VMP1: variants seen among roughly 807,000 people sequenced by gnomAD.
VMP1 encodes vacuole membrane protein 1.
VMP1 carries 11 observed loss-of-function variants against 56.0 expected under a neutral mutation model. That is an observed-to-expected ratio of 0.20 (90% CI 0.12 to 0.32). The LOEUF (loss-of-function observed/expected upper bound fraction) is 0.32, where lower values mean the gene tolerates loss of function less well. Among genes scored for constraint, VMP1 ranks in the 10% least tolerant of loss-of-function variants. The pLI, the probability that VMP1 is intolerant of heterozygous loss-of-function variation, is 1.00. For synonymous variants in VMP1, 149 were observed against 165.0 expected (o/e 0.90, Z 0.74); for missense variants, 296 against 490.3 (o/e 0.60, Z 3.74).
chr17:59,821,864 A>G (rs571146777), intron 10 of VMP1, among the ~76,000 whole-genome samples: 1 of 142,208 alleles, frequency 7.0e-6, no homozygotes, highest in Non-Finnish European at 1.5e-5. Context: ...TTTTTTTGAG[A>G]TGGAGTTTTG....
chr17:59,839,624 C>A, intron 11 of VMP1, 144 bp from the exon 12 acceptor site: 1 of 966,260 alleles, frequency 1.0e-6, no homozygotes, highest in South Asian at 1.8e-5. Context: ...ATGGAGATTT[C>A]AGAGTAGTTG....
intron 7 of VMP1, among the ~76,000 whole-genome samples, chr17:59,800,710 G>A (rs2037608267): frequency 6.6e-6 from 1 of 152,158 alleles, no homozygotes; most frequent in Non-Finnish European, 1.5e-5. Flanking sequence ...ACATGGTAAT[G>A]TAGCACAACA....
intron 7 of VMP1, among the ~76,000 whole-genome samples, chr17:59,801,268 G>C (rs1456135389): frequency 6.6e-6 from 1 of 151,426 alleles, no homozygotes; most frequent in African/African-American, 2.4e-5. Context: ...TGAAGGGGGA[G>C]ATCATCTTGC....
intron 7 of VMP1, among the ~76,000 whole-genome samples, chr17:59,792,879 T>TAATAATAATAATAATAATAATA (rs1378493314): frequency 3.0e-5 from 2 of 66,858 alleles, no homozygotes; most frequent in African/African-American, 3.6e-5. Flanking sequence ...TAATAATAAT[T>TAATAATAATAATAATAATAATA]ATTATTATTA....
intron 5 of VMP1, among the ~76,000 whole-genome samples, chr17:59,757,794 T>C (rs1220146165): frequency 1.3e-5 from 2 of 151,774 alleles, no homozygotes; most frequent in African/African-American, 4.8e-5. Context: ...GCTATCTTGT[T>C]GATTTAACTT....
chr17:59,813,878 C>T (rs1391860567), intron 9 of VMP1, among the ~76,000 whole-genome samples: 1 of 152,166 alleles, frequency 6.6e-6, no homozygotes, highest in Non-Finnish European at 1.5e-5. Context: ...AGTACCCTAT[C>T]TGTAGTGGTA....
chr17:59,747,967 C>T (rs895613250), intron 5 of VMP1, among the ~76,000 whole-genome samples: 5 of 151,430 alleles, frequency 3.3e-5, no homozygotes, highest in African/African-American at 1.2e-4. Flanking sequence ...GAGGCCAAGA[C>T]GGGCGGATCA....
chr17:59,838,212 G>A (rs753727430), intron 10 of VMP1, 83 bp from the exon 11 acceptor site: 16 of 1,114,570 alleles, frequency 1.4e-5, no homozygotes, highest in Admixed American at 5.9e-5. Flanking sequence ...GAGTCCAGGT[G>A]GTAAGTACAT....
At chr17:59,739,142 A>T (rs1442788289) in intron 5 of VMP1, among the ~76,000 whole-genome samples, 195 bp downstream of exon 5, 3 of 152,220 alleles carry the variant, frequency 2.0e-5, no homozygotes, top group African/African-American at 7.2e-5. Flanking sequence ...GTATTTAAAA[A>T]GCAAAGAGAA....
At chr17:59,773,165 T>C (rs2036496860) in intron 6 of VMP1, among the ~76,000 whole-genome samples, 1 of 151,904 alleles carries the variant, frequency 6.6e-6, no homozygotes, top group Non-Finnish European at 1.5e-5. Context: ...TTTCACCCTA[T>C]TGGCCAGGAT....
rs1277390985 is a variant in VMP1 at position 59,839,863 on chromosome 17, T to C, written c.1173T>C (p.Tyr391=). 5.0e-6 allele frequency: 8 copies of C among 1,612,848 alleles called. No individual in the cohort carries two copies. The Admixed American group carries it at 5.0e-5, about 10-fold the overall frequency. ...TCATTAACTCCATGGCACAAAGTTA[T>C]GCCAAACGAATCCAGCAGCGGTTGA... ...LSIINSMAQS[Y]AKRIQQRLNS... The change falls in exon 12 of 12, where the codon TAT becomes TAC. Residue 391 remains tyrosine, a synonymous_variant. Transcript: ENST00000262291.
intron 5 of VMP1, among the ~76,000 whole-genome samples, chr17:59,751,963 C>CCT (rs2035669356): frequency 6.6e-6 from 1 of 151,904 alleles, no homozygotes; most frequent in Non-Finnish European, 1.5e-5. Context: ...TACAGGTGTG[C>CCT]ACCACTACAC....
At chr17:59,789,654 CT>C (rs2037148688) in intron 7 of VMP1, among the ~76,000 whole-genome samples, 1 of 151,996 alleles carries the variant, frequency 6.6e-6, no homozygotes, top group African/African-American at 2.4e-5. Context: ...GTGCTGAGTG[CT>C]TTGAGGGGTA....
chr17:59,715,811 C>T (rs2143713328), intron 1 of VMP1, among the ~76,000 whole-genome samples: 1 of 151,942 alleles, frequency 6.6e-6, no homozygotes, highest in African/African-American at 2.4e-5. Flanking sequence ...TGTAATAGTC[C>T]AATTTTTATT....
chr17:59,723,176 C>A (rs548595228), intron 1 of VMP1, among the ~76,000 whole-genome samples: 1 of 152,240 alleles, frequency 6.6e-6, no homozygotes, highest in East Asian at 1.9e-4. Flanking sequence ...TCTAAAGTTC[C>A]TTCTGTGATT....
At chr17:59,776,942 T>A (rs1197339490) in intron 7 of VMP1, among the ~76,000 whole-genome samples, 2 of 152,236 alleles carry the variant, frequency 1.3e-5, no homozygotes, top group East Asian at 1.9e-4. Context: ...CTTTTTTTCT[T>A]AGAATTAACA....
At chr17:59,778,148 T>C (rs1277263827) in intron 7 of VMP1, among the ~76,000 whole-genome samples, 1 of 152,208 alleles carries the variant, frequency 6.6e-6, no homozygotes, top group Non-Finnish European at 1.5e-5. Context: ...AAAAGCAATT[T>C]GTATGTATTT....
chr17:59,785,830 T>C (rs1475134047), intron 7 of VMP1, among the ~76,000 whole-genome samples: 1 of 152,180 alleles, frequency 6.6e-6, no homozygotes, highest in Admixed American at 6.5e-5. Flanking sequence ...GGCTATTTTA[T>C]AGTTTCTGAA....
At chr17:59,819,170 A>G (rs2038352580) in intron 10 of VMP1, among the ~76,000 whole-genome samples, 1 of 152,186 alleles carries the variant, frequency 6.6e-6, no homozygotes, top group Non-Finnish European at 1.5e-5. Flanking sequence ...TAACTTGTAC[A>G]CTAAAATTTA....
Sources: allele counts gnomAD v4.1 joint callset (sites outside exome capture counted in the v4.1 genomes callset), GRCh38; gene constraint gnomAD v4.1.1; transcripts MANE v1.5; gene names NCBI Gene and HGNC (gene_info 2026-07-23, HGNC 2026-07-21).